Variants in STXBP2 observed in about 807,000 individuals in gnomAD.
STXBP2 encodes the protein syntaxin-binding protein 2.
STXBP2 carries 47 observed loss-of-function variants against 72.2 expected under a neutral mutation model. The ratio of observed to expected loss-of-function variants is 0.65; its 90% CI spans 0.51 to 0.83. The LOEUF (loss-of-function observed/expected upper bound fraction) is 0.83. Among genes scored for constraint, STXBP2 ranks in the 40% least tolerant of loss-of-function variants. STXBP2 has a pLI of 0.00. For missense variants in STXBP2, 702 were observed against 807.6 expected (o/e 0.87, Z 1.58); for synonymous variants, 367 against 338.7 (o/e 1.08, Z -0.92).
In STXBP2 at chr19:7,642,481, G is replaced by T; in HGVS notation, c.847G>T (p.Glu283Ter). ...GCGGGAGAAGGCCGTCTTGCTGGACGAGGACGATGACTTGTGGGTGGAGCT... is the reference window on the plus strand; with the variant it reads ...GCGGGAGAAGGCCGTCTTGCTGGACTAGGACGATGACTTGTGGGTGGAGCT... ...EAREKAVLLD[E>*]DDDLWVELRH... Residue 283 changes from glutamate (E) to a stop codon, truncating the protein, a stop_gained, in exon 10 of 19, where the codon GAG becomes TAG. Coordinates refer to ENST00000221283, the MANE Select transcript of STXBP2 (RefSeq NM_006949.4). LOFTEE classifies it high-confidence loss of function. The surrounding 1 kb of genome is among the most constrained non-coding windows in gnomAD (Gnocchi z 6.0). 6.2e-7 allele frequency: 1 copy of T among 1,614,026 alleles called. No individual in the cohort carries two copies. The highest frequency in any genetic ancestry group is 8.5e-7 in the Non-Finnish European group (1 of 1,180,034).
upstream of STXBP2, chr19:7,633,966 C>T (rs1475117212): frequency 6.5e-6 from 1 of 153,530 alleles, no homozygotes; most frequent in Non-Finnish European, 1.4e-5. Flanking sequence ...GCCTCAGACA[C>T]CACCGGCCAC....
rs576385798 is a variant in STXBP2, at chr19:7,640,343, T to G, written c.247-388T>G. ...GTGTGTGCGTGTGTATGCGTGTGTG[T>G]ATGCGTCTGTGCATGTGTGTATGCG... On this transcript the variant is annotated intron_variant, in intron 4 of 18. Coordinates refer to ENST00000221283, the MANE Select transcript of STXBP2 (RefSeq NM_006949.4). 31 of 531,244 alleles carry G rather than the reference T, an allele frequency of 5.8e-5. No homozygotes were observed. In the East Asian group the frequency reaches 1.3e-3, roughly 22 times the overall value. The allele number at this position is 531,244 out of a possible 1,614,324, so 32.9% of individuals were successfully genotyped here.
At chr19:7,632,282 CG>C (rs1212651669), upstream of STXBP2, 2 of 1,494,656 alleles carry the variant, frequency 1.3e-6, no homozygotes, top group African/African-American at 2.8e-5. The surrounding 1 kb of genome is among the most constrained non-coding windows in gnomAD (Gnocchi z 5.2). Context: ...GTCAGGGCAG[CG>C]GATGGACAGA....
At chr19:7,631,582 C>T in the STXBP2 span, 1 of 1,522,574 alleles carries the variant, frequency 6.6e-7, no homozygotes, top group Non-Finnish European at 8.8e-7. Context: ...GTCCTAGCCC[C>T]TCCCCTGATG....
upstream of STXBP2, chr19:7,636,998 C>T (rs550307055): frequency 1.1e-3 from 931 of 880,750 alleles, 11 homozygotes; most frequent in East Asian, 4.0e-3. Context: ...ACTCAACTTC[C>T]TGGGCCTGGG....
In STXBP2 at chr19:7,647,183, G is replaced by A. The variant is rs1225986588; in HGVS notation, c.1474G>A (p.Asp492Asn). 2 of 1,612,040 alleles carry A rather than the reference G, an allele frequency of 1.2e-6. No individual in the cohort carries two copies. Among genetic ancestry groups the A allele is most frequent in the South Asian group, 2.2e-5 (2 of 91,070 alleles). ...VMEDAVEDRL[D>N]RNLWPFVSDP... Reference sequence around the variant, plus strand: ...CCAGGACGCCGTGGAGGACCGGCTGGACAGGAACCTGTGGCCCTTCGTATC... The same window carrying A: ...CCAGGACGCCGTGGAGGACCGGCTGAACAGGAACCTGTGGCCCTTCGTATC... Residue 492 changes from aspartate (D) to asparagine (N), a missense_variant, in exon 17 of 19, where the codon GAC becomes AAC. By Grantham distance (23) the Asp-to-Asn change is conservative. Transcript: ENST00000221283.
intron 15 of STXBP2, chr19:7,645,885 C>G: frequency 5.3e-6 from 2 of 377,192 alleles, no homozygotes; most frequent in South Asian, 3.0e-5. Context: ...CTGTCTTGCT[C>G]CCCTCCCCTC....
intron 16 of STXBP2, 38 bp downstream of exon 16, chr19:7,646,382 G>GCATCGGCTGGC (rs1568471267): frequency 6.5e-7 from 1 of 1,545,834 alleles, no homozygotes. Flanking sequence ...CCAGCCCTCC[G>GCATCGGCTGGC]CATCGGCTGG....
At chr19:7,630,532 G>C in the STXBP2 span, 1 of 1,464,076 alleles carries the variant, frequency 6.8e-7, no homozygotes, top group African/African-American at 1.4e-5. Context: ...TCTGCACATT[G>C]CTTGGGGGGA....
rs970906050 is a variant in STXBP2, at chr19:7,642,327, C to T, written c.788C>T (p.Thr263Ile). Residue 263 changes from threonine to isoleucine, a missense_variant, in exon 9 of 19, where the codon ACA becomes ATA. Transcript: ENST00000221283. The surrounding 1 kb of genome is among the most constrained non-coding windows in gnomAD (Gnocchi z 6.0). ...GATCTGCTGGACATAGAGCAGGACA[C>T]ATACAGGTCTGCAGACTTGGAACCC... The part of the protein sequence containing the change: ...AYDLLDIEQD[T>I]YRYETTGLSE... The T allele has an allele frequency of 1.9e-6, 3 of 1,613,780 alleles. No individual in the cohort carries two copies. The highest frequency in any genetic ancestry group is 3.3e-5 in the Admixed American group (2 of 60,010).
At chr19:7,630,554 C>T in the STXBP2 span, 1 of 1,529,054 alleles carries the variant, frequency 6.5e-7, no homozygotes, top group East Asian at 2.4e-5. Context: ...CTCACCTCAC[C>T]CACCCTCTGC....
In STXBP2 at chr19:7,642,495, G is replaced by A; in HGVS notation, c.861G>A (p.Leu287=). Reference sequence around the variant, plus strand: ...TCTTGCTGGACGAGGACGATGACTTGTGGGTGGAGCTTCGCCACATGCATA... The same window carrying A: ...TCTTGCTGGACGAGGACGATGACTTATGGGTGGAGCTTCGCCACATGCATA... The part of the protein sequence containing the change: ...KAVLLDEDDD[L]WVELRHMHIA... The change falls in exon 10 of 19, where the codon TTG becomes TTA. Residue 287 remains leucine, a synonymous_variant. Transcript: ENST00000221283. This position sits in a 1 kb window ranked among gnomAD's most constrained non-coding sequence, Gnocchi z 6.0. 6.2e-7 allele frequency: 1 copy of A among 1,614,084 alleles called. No homozygotes were observed. Among genetic ancestry groups the A allele is most frequent in the Non-Finnish European group, 8.5e-7 (1 of 1,180,026 alleles).
chr19:7,631,989 G>T, upstream of STXBP2: 1 of 572,272 alleles, frequency 1.7e-6, no homozygotes, highest in Non-Finnish European at 2.7e-6. Context: ...GGCAGGTCTT[G>T]GGGCCCTCGC....
chr19:7,637,021 G>T, upstream of STXBP2: 1 of 1,063,444 alleles, frequency 9.4e-7, no homozygotes, highest in Non-Finnish European at 1.2e-6. Context: ...AGAACCGACG[G>T]CGGGGAGGGG....
At chr19:7,641,169 A>G in intron 6 of STXBP2, 166 bp downstream of exon 6, 1 of 745,534 alleles carries the variant, frequency 1.3e-6, no homozygotes, top group Non-Finnish European at 2.3e-6. Flanking sequence ...GTTTGAGACC[A>G]GCCTGGGTAC....
At chr19:7,631,998 G>A (rs189256937), upstream of STXBP2, 144 of 525,632 alleles carry the variant, frequency 2.7e-4, no homozygotes, top group East Asian at 3.9e-3. Context: ...TGGGGCCCTC[G>A]CTGGGATCTT....
upstream of STXBP2, chr19:7,636,836 AT>A (rs978872323): frequency 3.0e-6 from 1 of 332,248 alleles, no homozygotes; most frequent in African/African-American, 2.1e-5. Context: ...CCCGGGGAAG[AT>A]GGAGGGATTA....
upstream of STXBP2, chr19:7,632,926 TGCC>T (rs1208721756): frequency 6.7e-7 from 1 of 1,495,704 alleles, no homozygotes; most frequent in Non-Finnish European, 8.9e-7. The surrounding 1 kb of genome is among the most constrained non-coding windows in gnomAD (Gnocchi z 5.2). Flanking sequence ...CCCCGGGGCC[TGCC>T]GTCCCCACTT....
chr19:7,647,064 C>T, intron 16 of STXBP2, 98 bp from the exon 17 acceptor site: 1 of 1,289,554 alleles, frequency 7.8e-7, no homozygotes, highest in East Asian at 2.4e-5. Flanking sequence ...TGGTTCCTGT[C>T]TGCCAGGATC....
Sources: allele counts gnomAD v4.1 joint callset, GRCh38; gene constraint gnomAD v4.1.1; non-coding constraint Gnocchi (gnomAD v3.1); transcripts MANE v1.5; gene names NCBI Gene and HGNC (gene_info 2026-07-23, HGNC 2026-07-21).